Variants in PLCH1 observed in about 807,000 individuals in gnomAD.
The protein encoded by PLCH1 is phospholipase C eta 1.
A neutral mutation model predicts 126.7 loss-of-function variants in PLCH1; 60 were observed. The observed-to-expected ratio is 0.47, with a 90% CI of 0.38 to 0.59. PLCH1 has a LOEUF of 0.59. PLCH1 is among the 20% of genes least tolerant of loss of function. PLCH1 has a pLI of 0.00. For synonymous variants in PLCH1, 719 were observed against 734.9 expected (o/e 0.98, Z 0.35); for missense variants, 1,723 against 2,040.0 (o/e 0.84, Z 2.99).
intron 21 of PLCH1, among the ~76,000 whole-genome samples, chr3:155,459,030 T>C (rs1260388687): frequency 6.6e-6 from 1 of 152,210 alleles, no homozygotes; most frequent in Non-Finnish European, 1.5e-5. Flanking sequence ...GGATAGTTAG[T>C]AATAACAACG....
Position 155,554,090 on chromosome 3 carries a change from G to A in PLCH1, c.1176C>T (p.Ala392=), listed in dbSNP as rs748507368. 6 of 1,613,894 alleles carry A rather than the reference G, an allele frequency of 3.7e-6. No individual in the cohort carries two copies. Among genetic ancestry groups the A allele is most frequent in the Non-Finnish European group, 5.1e-6 (6 of 1,179,882 alleles). ...RDVVETINKH[A]FVKNEFPVIL... is the part of the protein sequence containing the mutation. Reference sequence around the variant, plus strand: ...GCTTTACTTACTCATTCTTCACAAAGGCATGCTTGTTGATGGTCTCCACAA... The same window carrying A: ...GCTTTACTTACTCATTCTTCACAAAAGCATGCTTGTTGATGGTCTCCACAA... The change falls in exon 9 of 23, where the codon GCC becomes GCT. Residue 392 remains alanine (A), a synonymous_variant. Coordinates refer to ENST00000460012, the MANE Select transcript of PLCH1 (RefSeq NM_014996.4).
In PLCH1 at chr3:155,494,484, G is replaced by A. The variant is rs1264765751; in HGVS notation, c.1928C>T (p.Thr643Ile). The A allele has an allele frequency of 6.2e-7, 1 of 1,613,902 alleles. No homozygotes were observed. The highest frequency in any genetic ancestry group is 8.5e-7 in the Non-Finnish European group (1 of 1,179,920). Residue 643 changes from threonine (T) to isoleucine (I), a missense_variant, in exon 16 of 23, where the codon ACA becomes ATA. This residue lies in a region of PLCH1 where 776 missense variants were observed against 1,062.9 expected (regional missense o/e 0.73). Transcript: ENST00000460012. ...TTGNVLSFSE[T>I]RAHQVVQQKS... ...TTGCTGAACAACCTGATGTGCTCTT[G>A]TTTCACTGAATGATAACACATTTCC...
At chr3:155,736,853 T>C (rs1407207529) in intron 1 of PLCH1, among the ~76,000 whole-genome samples, 1 of 149,760 alleles carries the variant, frequency 6.7e-6, no homozygotes, top group South Asian at 2.3e-4. Flanking sequence ...TTGAAACCCA[T>C]ATATTCTCTT....
chr3:155,587,008 T>C (rs1046688723), intron 4 of PLCH1, among the ~76,000 whole-genome samples: 1 of 152,228 alleles, frequency 6.6e-6, no homozygotes, highest in African/African-American at 2.4e-5. Context: ...AATATTTCTA[T>C]ATGACTTTAA....
chr3:155,527,056 T>A (rs1381294575), intron 10 of PLCH1, among the ~76,000 whole-genome samples: 1 of 152,164 alleles, frequency 6.6e-6, no homozygotes, highest in African/African-American at 2.4e-5. Context: ...TGGGTTCAAC[T>A]TGGTCCCACT....
intron 12 of PLCH1, among the ~76,000 whole-genome samples, chr3:155,504,876 C>T (rs578196495): frequency 2.2e-4 from 33 of 152,316 alleles, no homozygotes; most frequent in Admixed American, 2.0e-3. Context: ...CCTGCACCTT[C>T]CCAAAGCTGA....
chr3:155,548,475 A>G (rs944623550), intron 10 of PLCH1, among the ~76,000 whole-genome samples: 1 of 152,212 alleles, frequency 6.6e-6, no homozygotes, highest in Non-Finnish European at 1.5e-5. Flanking sequence ...CAAATAACTC[A>G]AAGCCCAGTT....
chr3:155,593,137 A>G (rs1732432371), intron 4 of PLCH1, among the ~76,000 whole-genome samples: 1 of 152,154 alleles, frequency 6.6e-6, no homozygotes, highest in Non-Finnish European at 1.5e-5. Flanking sequence ...CTGCAAGGAC[A>G]GAGACACCTG....
intron 1 of PLCH1, among the ~76,000 whole-genome samples, chr3:155,710,201 G>A (rs1027103316): frequency 6.6e-6 from 1 of 152,108 alleles, no homozygotes; most frequent in Non-Finnish European, 1.5e-5. Flanking sequence ...TGTTGACCAG[G>A]CTGGTCTCAA....
At chr3:155,456,397 A>T (rs1485518709) in intron 21 of PLCH1, among the ~76,000 whole-genome samples, 1 of 152,030 alleles carries the variant, frequency 6.6e-6, no homozygotes, top group Non-Finnish European at 1.5e-5. Flanking sequence ...GTTGGGCCAC[A>T]TTCAAAGCCA....
intron 10 of PLCH1, 31 bp from the exon 11 acceptor site, chr3:155,524,035 A>G (rs1721569821): frequency 7.7e-7 from 1 of 1,291,736 alleles, no homozygotes; most frequent in Admixed American, 1.8e-5. Flanking sequence ...CCATTTAAAA[A>G]TGAGAATAAA....
chr3:155,742,958 A>T (rs1749730935), intron 1 of PLCH1: 2 of 225,090 alleles, frequency 8.9e-6, no homozygotes, highest in Non-Finnish European at 1.8e-5. Flanking sequence ...GTATTACTTC[A>T]TCCAAGGTAT....
chr3:155,607,274 TTGTC>T (rs1041298575), intron 2 of PLCH1, among the ~76,000 whole-genome samples: 5 of 152,250 alleles, frequency 3.3e-5, no homozygotes, highest in African/African-American at 7.2e-5. Context: ...CTACTTCTGT[TTGTC>T]TGTGTATTTA....
At chr3:155,581,414 T>G (rs1282821122) in intron 6 of PLCH1, among the ~76,000 whole-genome samples, 1 of 152,232 alleles carries the variant, frequency 6.6e-6, no homozygotes, top group Non-Finnish European at 1.5e-5. Context: ...CATCAACTGA[T>G]GAATATATAA....
chr3:155,640,276 C>A (rs1239971287), intron 2 of PLCH1, among the ~76,000 whole-genome samples: 1 of 152,196 alleles, frequency 6.6e-6, no homozygotes, highest in South Asian at 2.1e-4. Context: ...CCTGTGCTCC[C>A]AGTTCACCTC....
At chr3:155,625,672 G>A (rs1162343657) in intron 2 of PLCH1, among the ~76,000 whole-genome samples, 6 of 152,152 alleles carry the variant, frequency 3.9e-5, no homozygotes, top group Non-Finnish European at 8.8e-5. Flanking sequence ...AGACCACAAT[G>A]GGATACCATC....
intron 1 of PLCH1, 102 bp from the exon 2 acceptor site, chr3:155,704,366 T>C (rs190276467): frequency 5.0e-6 from 2 of 397,996 alleles, no homozygotes; most frequent in East Asian, 3.6e-5. Context: ...CGGGGCAACA[T>C]ATACGGCATA....
In PLCH1 at chr3:155,590,926, C is replaced by T. The variant is rs375483081; in HGVS notation, c.470+3015G>A. On this transcript the variant is annotated intron_variant, in intron 4 of 22. Coordinates refer to ENST00000460012, the MANE Select transcript of PLCH1 (RefSeq NM_014996.4). Reference sequence around the variant, plus strand: ...CCTTCACTGACACAAAAATCAACTGCTTCTATATTTCTTATAAAATTGTTT... The same window carrying T: ...CCTTCACTGACACAAAAATCAACTGTTTCTATATTTCTTATAAAATTGTTT... Among the ~76,000 whole-genome samples, 6 of 152,142 alleles carry T rather than the reference C, an allele frequency of 3.9e-5. No homozygotes were observed. In the East Asian group the frequency reaches 7.7e-4, roughly 20 times the overall value.
chr3:155,517,335 T>A (rs987222041), intron 11 of PLCH1, among the ~76,000 whole-genome samples: 7 of 152,176 alleles, frequency 4.6e-5, no homozygotes, highest in African/African-American at 1.7e-4. Flanking sequence ...TAAAGTTTCC[T>A]GTGACCAATT....
Sources: allele counts gnomAD v4.1 joint callset (sites outside exome capture counted in the v4.1 genomes callset), GRCh38; gene constraint gnomAD v4.1.1; regional missense constraint gnomAD v4.1.1; transcripts MANE v1.5; gene names NCBI Gene and HGNC (gene_info 2026-07-23, HGNC 2026-07-21).